The following SLCO6A1 variants were observed in gnomAD, a reference collection of about 807,000 sequenced individuals.
SLCO6A1 encodes cancer/testis antigen 48.
Under a neutral mutation model 72.7 loss-of-function variants are expected in SLCO6A1, and 65 were observed. That is an observed-to-expected ratio of 0.89 (90% CI 0.73 to 1.10). The LOEUF (loss-of-function observed/expected upper bound fraction) is 1.10, where lower values mean the gene tolerates loss of function less well. Ranked by LOEUF, SLCO6A1 falls within the 50% of genes least tolerant of loss-of-function variation. The pLI, the probability that SLCO6A1 is intolerant of heterozygous loss-of-function variation, is 0.00. For synonymous variants in SLCO6A1, 314 were observed against 298.2 expected, an observed-to-expected ratio of 1.05 and a Z score of -0.55; for missense variants, 874 against 872.6, an observed-to-expected ratio of 1.00 and a Z score of -0.02.
At chr5:102,471,532 C>A (rs1314570458) in intron 4 of SLCO6A1, among the ~76,000 whole-genome samples, 1 of 152,060 alleles carries the variant, frequency 6.6e-6, no homozygotes. Context: ...TAAAAGAACC[C>A]ATACAGCCCA....
At chr5:102,464,628 G>C (rs2112779584) in intron 4 of SLCO6A1, among the ~76,000 whole-genome samples, 1 of 152,284 alleles carries the variant, frequency 6.6e-6, no homozygotes, top group East Asian at 1.9e-4. Flanking sequence ...GGTGCCTGAA[G>C]AGGCAAGAGG....
chr5:102,476,894 C>A (rs1751927525), intron 3 of SLCO6A1, among the ~76,000 whole-genome samples: 1 of 151,864 alleles, frequency 6.6e-6, no homozygotes, highest in African/African-American at 2.4e-5. Flanking sequence ...AGTTAGATAA[C>A]CCTGTACAAA....
chr5:102,496,705 C>T (rs958862961), intron 1 of SLCO6A1, among the ~76,000 whole-genome samples: 2 of 152,110 alleles, frequency 1.3e-5, no homozygotes, highest in African/African-American at 2.4e-5. Context: ...ATTCATGCAT[C>T]GAATACATAT....
chr5:102,386,702 G>C (rs956783570), intron 12 of SLCO6A1, among the ~76,000 whole-genome samples: 1 of 152,178 alleles, frequency 6.6e-6, no homozygotes, highest in Non-Finnish European at 1.5e-5. Flanking sequence ...TGGGGGCATA[G>C]TCTGTGGGTG....
intron 8 of SLCO6A1, among the ~76,000 whole-genome samples, chr5:102,414,008 A>G (rs1049707489): frequency 6.6e-6 from 1 of 152,044 alleles, no homozygotes; most frequent in Non-Finnish European, 1.5e-5. Flanking sequence ...ATTTTCCAAT[A>G]GTTTTTCACA....
At chr5:102,400,468 C>T (rs571143641) in intron 9 of SLCO6A1, among the ~76,000 whole-genome samples, 2 of 152,138 alleles carry the variant, frequency 1.3e-5, no homozygotes, top group South Asian at 2.1e-4. Flanking sequence ...GAGATTCATA[C>T]TGCAGTCCTG....
In SLCO6A1 at chr5:102,390,962, G is replaced by T; in HGVS notation, c.1879+19C>A. On this transcript the variant is annotated intron_variant, in intron 11 of 13. Coordinates refer to ENST00000506729, the MANE Select transcript of SLCO6A1 (RefSeq NM_173488.5). ...CAAAAAACATTTTGATGTAATAAGA[G>T]ATTGCCAAAAATCCATACCAAATAT... 6.2e-7 allele frequency: 1 copy of T among 1,611,526 alleles called. No individual in the cohort carries two copies. The highest frequency in any genetic ancestry group is 8.5e-7 in the Non-Finnish European group (1 of 1,178,100).
At chr5:102,486,782 C>T (rs1375393220) in intron 1 of SLCO6A1, among the ~76,000 whole-genome samples, 3 of 152,076 alleles carry the variant, frequency 2.0e-5, no homozygotes, top group Non-Finnish European at 2.9e-5. Context: ...CTATGATTCT[C>T]TACCCAAAAA....
At chr5:102,490,144 A>C (rs1021475191) in intron 1 of SLCO6A1, among the ~76,000 whole-genome samples, 1 of 152,182 alleles carries the variant, frequency 6.6e-6, no homozygotes, top group African/African-American at 2.4e-5. Context: ...ACAGTTAGAT[A>C]GGAGATATCA....
In SLCO6A1 at chr5:102,492,814, T is replaced by A. The variant is rs1049291007; in HGVS notation, c.358+5673A>T. Among the ~76,000 whole-genome samples, 67 of 152,146 alleles carry A rather than the reference T, an allele frequency of 4.4e-4. 1 individual carries two copies. The highest frequency in any genetic ancestry group is 1.6e-3 in the African/African-American group (65 of 41,440). The stretch of plus-strand genomic sequence containing the variant: ...CTAGCACAGCAGTCTGAGATCAAAC[T>A]GCAAGGCGGCAACGAGGCTGGGGAA... On this transcript the variant is annotated intron_variant, in intron 1 of 13. Transcript: ENST00000506729.
At chr5:102,472,264 T>C (rs1166226232) in intron 4 of SLCO6A1, among the ~76,000 whole-genome samples, 1 of 152,148 alleles carries the variant, frequency 6.6e-6, no homozygotes, top group African/African-American at 2.4e-5. Context: ...TTATGATATT[T>C]GTCTGGTAGT....
At chr5:102,443,347 C>G (rs1034475791) in intron 6 of SLCO6A1, among the ~76,000 whole-genome samples, 1 of 152,164 alleles carries the variant, frequency 6.6e-6, no homozygotes, top group Non-Finnish European at 1.5e-5. Flanking sequence ...ATTTACTTCT[C>G]TTTCTCAATG....
At chr5:102,495,882 A>G (rs762820281) in intron 1 of SLCO6A1, among the ~76,000 whole-genome samples, 107 of 152,300 alleles carry the variant, frequency 7.0e-4, no homozygotes, top group Non-Finnish European at 1.1e-3. Context: ...CATACTCTGT[A>G]AGACTTTCAA....
At chr5:102,440,483 C>G (rs1036506386) in intron 6 of SLCO6A1, among the ~76,000 whole-genome samples, 4 of 152,098 alleles carry the variant, frequency 2.6e-5, no homozygotes, top group African/African-American at 7.2e-5. Flanking sequence ...GGCAGGAAAA[C>G]AAGCTTAGGG....
chr5:102,468,322 TG>T (rs1751411870), intron 4 of SLCO6A1, among the ~76,000 whole-genome samples: 1 of 152,132 alleles, frequency 6.6e-6, no homozygotes, highest in Non-Finnish European at 1.5e-5. Context: ...TGGGGTAGAA[TG>T]TTCTGTAAAT....
intron 1 of SLCO6A1, among the ~76,000 whole-genome samples, chr5:102,480,773 T>C (rs527684326): frequency 2.0e-5 from 3 of 147,010 alleles, no homozygotes; most frequent in Admixed American, 1.3e-4. Flanking sequence ...ACTAATATAA[T>C]ATTTATTTAT....
chr5:102,494,003 C>T (rs566784747), intron 1 of SLCO6A1, among the ~76,000 whole-genome samples: 3 of 152,002 alleles, frequency 2.0e-5, no homozygotes, highest in African/African-American at 4.8e-5. Context: ...TTAAAAGGAA[C>T]GAAGTCGAAA....
At chr5:102,427,828 C>G (rs541902261) in intron 7 of SLCO6A1, among the ~76,000 whole-genome samples, 3 of 139,374 alleles carry the variant, frequency 2.2e-5, no homozygotes, top group South Asian at 2.3e-4. Flanking sequence ...CCCCCTCTCT[C>G]TGTGTGTGTA....
chr5:102,451,129 T>C (rs147833100), intron 6 of SLCO6A1, among the ~76,000 whole-genome samples: 105 of 152,238 alleles, frequency 6.9e-4, no homozygotes, highest in Non-Finnish European at 1.3e-3. Flanking sequence ...GTCGCTTTTG[T>C]ATAAGGAAGC....
Sources: gnomAD v4.1 joint callset for allele counts (sites outside exome capture counted in the v4.1 genomes callset) on GRCh38, gnomAD v4.1.1 for gene constraint, MANE v1.5 for transcripts, NCBI Gene and HGNC (gene_info 2026-07-23, HGNC 2026-07-21) for gene names.